The following BAIAP2 variants were observed in gnomAD, a reference collection of about 807,000 sequenced individuals.
BAIAP2 encodes the protein BAR/IMD domain-containing adapter protein 2.
Under a neutral mutation model 63.0 loss-of-function variants are expected in BAIAP2, and 18 were observed. The observed-to-expected ratio is 0.29, with a 90% confidence interval of 0.20 to 0.42. The LOEUF is 0.42. Among genes scored for constraint, BAIAP2 ranks in the 10% least tolerant of loss-of-function variants. BAIAP2 has a pLI of 1.00. For missense variants in BAIAP2, 610 were observed against 734.3 expected (o/e 0.83, Z 1.96); for synonymous variants, 386 against 307.6 (o/e 1.25, Z -2.67).
chr17:81,075,567 C>G (rs1406068694), intron 3 of BAIAP2, among the ~76,000 whole-genome samples: 2 of 152,228 alleles, frequency 1.3e-5, no homozygotes, highest in Non-Finnish European at 2.9e-5. Flanking sequence ...AGAGCAGTGC[C>G]TGCCTCCTTG....
At chr17:81,039,699 G>A (rs2046821053) in intron 1 of BAIAP2, among the ~76,000 whole-genome samples, 1 of 152,034 alleles carries the variant, frequency 6.6e-6, no homozygotes, top group Non-Finnish European at 1.5e-5. Flanking sequence ...GCTGGGAGCT[G>A]TGTTCCTGTT....
chr17:81,091,230 C>T (rs2056710753), intron 6 of BAIAP2, among the ~76,000 whole-genome samples: 1 of 147,400 alleles, frequency 6.8e-6, no homozygotes, highest in Non-Finnish European at 1.5e-5. Context: ...CTAGCTGTCC[C>T]TAACTCCTGG....
intron 7 of BAIAP2, among the ~76,000 whole-genome samples, chr17:81,102,765 A>G (rs1359636354): frequency 6.6e-6 from 1 of 152,186 alleles, no homozygotes; most frequent in Non-Finnish European, 1.5e-5. Flanking sequence ...AGAGGCCCCC[A>G]GAGGTGCCAG....
chr17:81,104,364 G>A, intron 9 of BAIAP2, 150 bp from the exon 10 acceptor site: 1 of 907,962 alleles, frequency 1.1e-6, no homozygotes. Context: ...CCACTTGGGA[G>A]CAGGTAGCTG....
At chr17:81,109,442 A>G in intron 13 of BAIAP2, 4 of 991,402 alleles carry the variant, frequency 4.0e-6, no homozygotes, top group Non-Finnish European at 4.8e-6. Flanking sequence ...CCTGAAAAAC[A>G]AAAACCGATC....
chr17:81,050,969 A>T (rs1027271040), intron 1 of BAIAP2, among the ~76,000 whole-genome samples: 1 of 151,754 alleles, frequency 6.6e-6, no homozygotes, highest in Non-Finnish European at 1.5e-5. Context: ...CAGGCTGCCG[A>T]GAGCGCACCA....
chr17:81,114,903 A>G (rs769039296), intron 13 of BAIAP2, among the ~76,000 whole-genome samples: 9 of 152,186 alleles, frequency 5.9e-5, no homozygotes, highest in Non-Finnish European at 1.2e-4. Flanking sequence ...TAATGGCTCC[A>G]GAGTCCAAGC....
chr17:81,045,698 C>T (rs2047704041), intron 1 of BAIAP2, among the ~76,000 whole-genome samples: 1 of 152,152 alleles, frequency 6.6e-6, no homozygotes, highest in African/African-American at 2.4e-5. Flanking sequence ...GGCCAGGCTG[C>T]CCAGGGCCCT....
chr17:81,106,989 C>T (rs1003173536), intron 12 of BAIAP2, 82 bp downstream of exon 12: 2 of 1,428,284 alleles, frequency 1.4e-6, no homozygotes, highest in Middle Eastern at 2.6e-4. Context: ...GGAGCCTCCG[C>T]TGAGGGGCGG....
chr17:81,064,166 C>G (rs780456538), intron 3 of BAIAP2, among the ~76,000 whole-genome samples: 57 of 152,392 alleles, frequency 3.7e-4, no homozygotes, highest in Middle Eastern at 3.4e-3. Flanking sequence ...CATTCCTTCC[C>G]CACTTTCATT....
At chr17:81,084,418 G>C (rs1218638544) in intron 3 of BAIAP2, among the ~76,000 whole-genome samples, 1 of 152,176 alleles carries the variant, frequency 6.6e-6, no homozygotes, top group Non-Finnish European at 1.5e-5. Flanking sequence ...GTGGTGTGGG[G>C]TCAGCAGACT....
intron 6 of BAIAP2, among the ~76,000 whole-genome samples, chr17:81,093,089 CT>C (rs1317213471): frequency 2.3e-5 from 1 of 42,686 alleles, no homozygotes; most frequent in Non-Finnish European, 5.2e-5. Flanking sequence ...CTGGGCTGGG[CT>C]GGGCTGGGCT....
intron 6 of BAIAP2, among the ~76,000 whole-genome samples, chr17:81,091,842 A>G (rs990092091): frequency 2.0e-5 from 3 of 152,218 alleles, no homozygotes; most frequent in Non-Finnish European, 4.4e-5. Context: ...GAGACCCTTT[A>G]GTGCCTCTGG....
chr17:81,089,346 T>G (rs2056306503), intron 6 of BAIAP2, among the ~76,000 whole-genome samples: 1 of 152,170 alleles, frequency 6.6e-6, no homozygotes, highest in African/African-American at 2.4e-5. Context: ...GTCACCTGAT[T>G]CGCAGCCACA....
rs949628936 is a variant in BAIAP2, at chr17:81,100,587, C to T, written c.642+507C>T. Among the ~76,000 whole-genome samples, 23 of 152,284 alleles carry T rather than the reference C, an allele frequency of 1.5e-4. 1 individual carries two copies. Among genetic ancestry groups the T allele is most frequent in the Admixed American group, 8.5e-4 (13 of 15,304 alleles). ...GGACCCCCAGCCCCAAGCCTGGGTCCCCAGCCACCCAAGACCACTGTGCCA... is the reference window on the plus strand; with the variant it reads ...GGACCCCCAGCCCCAAGCCTGGGTCTCCAGCCACCCAAGACCACTGTGCCA... On this transcript the variant is annotated intron_variant, in intron 7 of 13. Coordinates refer to ENST00000428708, the MANE Select transcript of BAIAP2 (RefSeq NM_001144888.2).
At chr17:81,050,253 T>TGA (rs1340235424) in intron 1 of BAIAP2, among the ~76,000 whole-genome samples, 1 of 152,196 alleles carries the variant, frequency 6.6e-6, no homozygotes, top group Non-Finnish European at 1.5e-5. Context: ...TCGATGCCTC[T>TGA]GCCATTGCCT....
At chr17:81,054,498 G>A (rs1320988342) in intron 2 of BAIAP2, among the ~76,000 whole-genome samples, 1 of 152,176 alleles carries the variant, frequency 6.6e-6, no homozygotes, top group African/African-American at 2.4e-5. Flanking sequence ...TGCTGTCACT[G>A]TGGCAGCACG....
Position 81,117,347 on chromosome 17 carries a change from T to C in BAIAP2, c.*1508T>C, listed in dbSNP as rs2146263441. On this transcript the variant is annotated 3_prime_UTR_variant, in exon 14 of 14. Transcript: ENST00000428708. ...TAAAAAACAAGGAACAAGAAAACATTGCACCAGCGTTCTAAGCCTCAAACA... is the reference window on the plus strand; with the variant it reads ...TAAAAAACAAGGAACAAGAAAACATCGCACCAGCGTTCTAAGCCTCAAACA... 6.6e-6 allele frequency: 1 copy of C among 152,418 alleles called. No individual in the cohort carries two copies. The highest frequency in any genetic ancestry group is 6.5e-5 in the Admixed American group (1 of 15,308). 9.4% of individuals were successfully genotyped at this position (152,418 alleles called of 1,614,324 possible).
At chr17:81,068,570 A>T (rs905956837) in intron 3 of BAIAP2, among the ~76,000 whole-genome samples, 2 of 152,170 alleles carry the variant, frequency 1.3e-5, no homozygotes, top group African/African-American at 4.8e-5. Context: ...CCCACGACCC[A>T]AGGACCCCGC....
Sources: gnomAD v4.1 joint callset for allele counts (sites outside exome capture counted in the v4.1 genomes callset) on GRCh38, gnomAD v4.1.1 for gene constraint, MANE v1.5 for transcripts, NCBI Gene and HGNC (gene_info 2026-07-23, HGNC 2026-07-21) for gene names.